CCDC91: variants seen among roughly 807,000 people sequenced by gnomAD.
CCDC91 encodes the protein coiled-coil domain-containing protein 91.
A neutral mutation model predicts 63.2 loss-of-function variants in CCDC91; 48 were observed. That is an observed-to-expected ratio of 0.76 (90% CI 0.60 to 0.97). The LOEUF is 0.97. Among genes scored for constraint, CCDC91 ranks in the 50% least tolerant of loss-of-function variants. CCDC91 has a pLI of 0.00. For synonymous variants in CCDC91, 167 were observed against 165.8 expected (o/e 1.01, Z -0.06); for missense variants, 500 against 494.6 (o/e 1.01, Z -0.10).
intron 7 of CCDC91, among the ~76,000 whole-genome samples, chr12:28,377,249 G>A (rs1038786916): frequency 2.0e-5 from 3 of 151,182 alleles, no homozygotes; most frequent in Non-Finnish European, 3.0e-5. Flanking sequence ...AGTTGTTTTC[G>A]TGGTTCTGGC....
intron 12 of CCDC91, among the ~76,000 whole-genome samples, chr12:28,486,978 G>A (rs1592819741): frequency 6.6e-6 from 1 of 151,988 alleles, no homozygotes; most frequent in Middle Eastern, 3.5e-3. Context: ...TATGTGTTAT[G>A]CTTATCATCT....
intron 7 of CCDC91, among the ~76,000 whole-genome samples, chr12:28,370,478 A>G (rs1944548476): frequency 1.3e-5 from 2 of 152,200 alleles, no homozygotes; most frequent in Non-Finnish European, 2.9e-5. Flanking sequence ...CAGTGTCAGC[A>G]TTTTGGTCAA....
intron 12 of CCDC91, among the ~76,000 whole-genome samples, chr12:28,511,376 A>T (rs1939359334): frequency 1.3e-5 from 2 of 151,922 alleles, no homozygotes; most frequent in Non-Finnish European, 2.9e-5. Context: ...AAAGCCATTT[A>T]TGGCCAATTT....
chr12:28,319,621 A>G (rs1412315914), intron 6 of CCDC91, among the ~76,000 whole-genome samples: 1 of 151,876 alleles, frequency 6.6e-6, no homozygotes, highest in Admixed American at 6.6e-5. Flanking sequence ...CACTTTAAAT[A>G]ATCTCTAGAT....
intron 12 of CCDC91, among the ~76,000 whole-genome samples, chr12:28,496,138 G>A (rs11049666): frequency 0.19 from 29,160 of 151,524 alleles, 3,686 homozygotes; most frequent in Non-Finnish European, 0.29. Context: ...TAGGTAAGCA[G>A]CCAAGTTGCT....
chr12:28,379,855 G>A (rs7978110), intron 7 of CCDC91, among the ~76,000 whole-genome samples: 4,785 of 152,188 alleles, frequency 0.031, 106 homozygotes, highest in Middle Eastern at 0.044. Flanking sequence ...ACATGCACAC[G>A]TATGTTTATT....
chr12:28,246,596 G>A (rs1945752405), intron 1 of CCDC91, among the ~76,000 whole-genome samples: 1 of 152,108 alleles, frequency 6.6e-6, no homozygotes, highest in Non-Finnish European at 1.5e-5. Flanking sequence ...ATTTGGAGTT[G>A]AGATTGACAT....
At chr12:28,452,686 CT>C in intron 11 of CCDC91, 32 bp downstream of exon 11, 2 of 1,233,574 alleles carry the variant, frequency 1.6e-6, no homozygotes, top group Non-Finnish European at 2.2e-6. Flanking sequence ...TAAATATTTA[CT>C]TTTTTCTCAT....
At chr12:28,495,558 G>A (rs755390940) in intron 12 of CCDC91, among the ~76,000 whole-genome samples, 1 of 151,602 alleles carries the variant, frequency 6.6e-6, no homozygotes, top group Non-Finnish European at 1.5e-5. Flanking sequence ...AAGCCACGTA[G>A]CCCACCAGCA....
intron 12 of CCDC91, among the ~76,000 whole-genome samples, chr12:28,521,323 T>C (rs1940634459): frequency 6.6e-6 from 1 of 152,114 alleles, no homozygotes; most frequent in East Asian, 1.9e-4. Flanking sequence ...TATTTTATTC[T>C]CTTTGAAGCA....
At chr12:28,201,620 C>T (rs557812695) in intron 1 of CCDC91, among the ~76,000 whole-genome samples, 14 of 146,066 alleles carry the variant, frequency 9.6e-5, no homozygotes, top group South Asian at 2.2e-4. Context: ...ACTTCCCAGA[C>T]GGGGTGGCGG....
intron 7 of CCDC91, among the ~76,000 whole-genome samples, chr12:28,363,926 G>T (rs1592435305): frequency 7.4e-6 from 1 of 135,674 alleles, no homozygotes; most frequent in Admixed American, 7.3e-5. Flanking sequence ...TTGGATAAAA[G>T]TAGGAAAAAA....
At chr12:28,504,777 CTTATA>C (rs1158088659) in intron 12 of CCDC91, among the ~76,000 whole-genome samples, 3 of 151,882 alleles carry the variant, frequency 2.0e-5, no homozygotes, top group East Asian at 3.9e-4. Flanking sequence ...ATCTGTTTCA[CTTATA>C]TTATAGACCA....
chr12:28,401,686 A>C (rs1281370017), intron 8 of CCDC91, among the ~76,000 whole-genome samples: 2 of 152,160 alleles, frequency 1.3e-5, no homozygotes, highest in African/African-American at 4.8e-5. Flanking sequence ...TGCCTTTGAC[A>C]CACAGGGCTT....
intron 7 of CCDC91, among the ~76,000 whole-genome samples, chr12:28,376,481 C>G (rs552122920): frequency 6.6e-6 from 1 of 151,366 alleles, no homozygotes; most frequent in South Asian, 2.1e-4. Flanking sequence ...TTAAAAAAAA[C>G]AAAAACTTAT....
At chr12:28,437,349 G>A (rs1217986462) in intron 8 of CCDC91, among the ~76,000 whole-genome samples, 1 of 151,686 alleles carries the variant, frequency 6.6e-6, no homozygotes, top group African/African-American at 2.4e-5. Context: ...TTTGGGTTTT[G>A]CACTTTCTAA....
chr12:28,476,707 A>T (rs1951115551), intron 11 of CCDC91, among the ~76,000 whole-genome samples: 1 of 152,110 alleles, frequency 6.6e-6, no homozygotes, highest in Admixed American at 6.6e-5. Context: ...GATCAACAAA[A>T]TTAATAGACC....
chr12:28,523,270 C>T (rs1308103482), intron 12 of CCDC91, among the ~76,000 whole-genome samples: 1 of 152,196 alleles, frequency 6.6e-6, no homozygotes, highest in South Asian at 2.1e-4. Context: ...GTATTGGGTG[C>T]ATATATATTT....
intron 8 of CCDC91, among the ~76,000 whole-genome samples, chr12:28,408,637 A>T (rs543682330): frequency 1.7e-4 from 26 of 151,664 alleles, no homozygotes; most frequent in African/African-American, 5.1e-4. Flanking sequence ...TTGATGGTTT[A>T]TTTTTTTATT....
Sources: gnomAD v4.1 joint callset for allele counts (sites outside exome capture counted in the v4.1 genomes callset) on GRCh38, gnomAD v4.1.1 for gene constraint, MANE v1.5 for transcripts, NCBI Gene and HGNC (gene_info 2026-07-23, HGNC 2026-07-21) for gene names.